INSL6: variants seen among roughly 807,000 people sequenced by gnomAD.
INSL6 encodes insulin-like peptide INSL6.
In INSL6, 16 loss-of-function variants were observed where a neutral mutation model predicts 9.4. That is an observed-to-expected ratio of 1.70 (90% CI 1.15 to 2.59). INSL6 has a LOEUF of 2.59. INSL6 is among the 30% of genes most tolerant of loss of function. INSL6 has a pLI of 0.00. For synonymous variants in INSL6, 154 were observed against 96.9 expected, an observed-to-expected ratio of 1.59 and a Z score of -3.46; for missense variants, 391 against 257.3, an observed-to-expected ratio of 1.52 and a Z score of -3.56.
intron 3 of INSL6, among the ~76,000 whole-genome samples, chr9:5,131,234 G>C (rs1478896843): frequency 6.6e-6 from 1 of 152,036 alleles, no homozygotes; most frequent in East Asian, 1.9e-4. Context: ...TAATAATTTT[G>C]TTGAAGGCTG....
chr9:5,086,005 G>A, the INSL6 span: 3 of 839,248 alleles, frequency 3.6e-6, no homozygotes, highest in African/African-American at 3.3e-5. Context: ...TGATGAAACT[G>A]TGATATACTA....
chr9:5,043,660 G>A, the INSL6 span, among the ~76,000 whole-genome samples: 2 of 152,106 alleles, frequency 1.3e-5, no homozygotes, highest in East Asian at 1.9e-4. Context: ...TCATACTAGC[G>A]TTATTCACAA....
chr9:5,012,395 T>C, the INSL6 span, among the ~76,000 whole-genome samples: 1 of 152,076 alleles, frequency 6.6e-6, no homozygotes, highest in Non-Finnish European at 1.5e-5. Context: ...AAGTTTATAA[T>C]TGTCGTCATC....
At chr9:4,993,954 G>C in the INSL6 span, among the ~76,000 whole-genome samples, 1 of 152,174 alleles carries the variant, frequency 6.6e-6, no homozygotes, top group Non-Finnish European at 1.5e-5. Flanking sequence ...GAGTGATCAT[G>C]TATGGATGAG....
downstream of INSL6, among the ~76,000 whole-genome samples, chr9:5,159,586 CA>C (rs1474974816): frequency 6.6e-6 from 1 of 152,002 alleles, no homozygotes; most frequent in African/African-American, 2.4e-5. Context: ...GGGGTCAATT[CA>C]GTAAAAAGAT....
At chr9:5,002,295 C>T in the INSL6 span, among the ~76,000 whole-genome samples, 2 of 151,870 alleles carry the variant, frequency 1.3e-5, no homozygotes, top group African/African-American at 4.8e-5. Flanking sequence ...TACATTCTCT[C>T]TAACCACTAT....
chr9:5,149,653 T>C (rs576008137), intron 2 of INSL6, among the ~76,000 whole-genome samples: 1 of 152,142 alleles, frequency 6.6e-6, no homozygotes, highest in Non-Finnish European at 1.5e-5. Context: ...AAAATGACCA[T>C]ATTGCCCAAA....
chr9:5,082,394 C>T, the INSL6 span, among the ~76,000 whole-genome samples: 1 of 152,256 alleles, frequency 6.6e-6, no homozygotes, highest in Non-Finnish European at 1.5e-5. Flanking sequence ...CCAAACATCT[C>T]AGTGGAGTAA....
intron 2 of INSL6, among the ~76,000 whole-genome samples, chr9:5,139,958 AG>A (rs951456627): frequency 1.2e-4 from 19 of 152,312 alleles, no homozygotes; most frequent in Admixed American, 1.0e-3. Flanking sequence ...AGGGATTGTT[AG>A]TTGAAAATAG....
the INSL6 span, among the ~76,000 whole-genome samples, chr9:5,047,499 C>T: frequency 1.1e-4 from 17 of 152,196 alleles, no homozygotes; most frequent in Non-Finnish European, 2.4e-4. Flanking sequence ...TAATTCATAT[C>T]TATTCAACAA....
At chr9:5,111,296 GC>G in the INSL6 span, 1 of 475,264 alleles carries the variant, frequency 2.1e-6, no homozygotes, top group Non-Finnish European at 4.1e-6. Flanking sequence ...TGCCGGGCAA[GC>G]TGGCCCTCAG....
chr9:5,183,790 A>G (rs556387784), intron 1 of INSL6, among the ~76,000 whole-genome samples: 1 of 152,134 alleles, frequency 6.6e-6, no homozygotes, highest in Non-Finnish European at 1.5e-5. Context: ...AAAAAGAGAG[A>G]GACAGACAGT....
At chr9:5,007,374 G>A in the INSL6 span, among the ~76,000 whole-genome samples, 36 of 151,930 alleles carry the variant, frequency 2.4e-4, no homozygotes, top group African/African-American at 8.5e-4. Flanking sequence ...AAATATATGC[G>A]GGTTTCTAGT....
At chr9:5,023,827 T>A in the INSL6 span, among the ~76,000 whole-genome samples, 8 of 151,348 alleles carry the variant, frequency 5.3e-5, no homozygotes, top group African/African-American at 1.9e-4. Flanking sequence ...AAAGTCTGTA[T>A]TTTTTGTTGT....
At chr9:5,000,708 C>A in the INSL6 span, among the ~76,000 whole-genome samples, 1 of 151,836 alleles carries the variant, frequency 6.6e-6, no homozygotes, top group African/African-American at 2.4e-5. Flanking sequence ...GTAATTTCTC[C>A]GGTGTCTTAA....
At chr9:5,130,971 C>T (rs544825016) in intron 3 of INSL6, among the ~76,000 whole-genome samples, 48 of 151,826 alleles carry the variant, frequency 3.2e-4, no homozygotes, top group African/African-American at 9.7e-4. Flanking sequence ...CCTCATGATC[C>T]GCCCGCCTCG....
chr9:5,088,360 C>T, the INSL6 span, among the ~76,000 whole-genome samples: 1 of 152,142 alleles, frequency 6.6e-6, no homozygotes, highest in African/African-American at 2.4e-5. Context: ...AATATAGTCA[C>T]TTAGAATCTT....
chr9:5,083,675 A>C, the INSL6 span, among the ~76,000 whole-genome samples: 1 of 152,184 alleles, frequency 6.6e-6, no homozygotes, highest in Non-Finnish European at 1.5e-5. Flanking sequence ...ACAATGGAAT[A>C]TATACTGGTA....
At chr9:5,170,113 C>T (rs148015429) in intron 1 of INSL6, among the ~76,000 whole-genome samples, 1 of 152,126 alleles carries the variant, frequency 6.6e-6, no homozygotes, top group African/African-American at 2.4e-5. Flanking sequence ...TAAAACACTC[C>T]TCAGCAAATG....
Sources: gnomAD v4.1 joint callset for allele counts (sites outside exome capture counted in the v4.1 genomes callset) on GRCh38, gnomAD v4.1.1 for gene constraint, MANE v1.5 for transcripts, NCBI Gene and HGNC (gene_info 2026-07-23, HGNC 2026-07-21) for gene names.